ORC5: variants seen among roughly 807,000 people sequenced by gnomAD.
The protein encoded by ORC5 is protein phosphatase 1, regulatory subunit 117.
A neutral mutation model predicts 58.8 loss-of-function variants in ORC5; 39 were observed. The ratio of observed to expected loss-of-function variants is 0.66; its 90% CI spans 0.51 to 0.87. The LOEUF is 0.87. Among genes scored for constraint, ORC5 ranks in the 40% least tolerant of loss-of-function variants. The probability of loss-of-function intolerance (pLI) is 0.00; values close to 1 mark genes in which losing one functional copy is unlikely to be tolerated. For synonymous variants in ORC5, 218 were observed against 177.6 expected (o/e 1.23, Z -1.81); for missense variants, 493 against 506.3 (o/e 0.97, Z 0.25).
chr7:104,184,891 A>G (rs562892865), intron 6 of ORC5, among the ~76,000 whole-genome samples: 1 of 152,306 alleles, frequency 6.6e-6, no homozygotes, highest in African/African-American at 2.4e-5. Context: ...GTTGCTGCCT[A>G]TGAGGTTTCA....
intron 5 of ORC5, 82 bp from the exon 6 acceptor site, chr7:104,188,463 T>TAA: frequency 3.8e-5 from 38 of 987,616 alleles, no homozygotes; most frequent in South Asian, 1.2e-4. Flanking sequence ...ACAAAGGTAT[T>TAA]AAAAAAAAAA....
intron 11 of ORC5, among the ~76,000 whole-genome samples, chr7:104,162,236 G>A (rs1319543245): frequency 2.0e-5 from 3 of 152,090 alleles, no homozygotes; most frequent in South Asian, 2.1e-4. Flanking sequence ...ACAGTGACAC[G>A]ATCTTGGCTC....
chr7:104,143,885 G>C (rs1002261374), intron 12 of ORC5, among the ~76,000 whole-genome samples: 12 of 152,162 alleles, frequency 7.9e-5, no homozygotes, highest in Non-Finnish European at 1.0e-4. Flanking sequence ...TTGGGAGGCA[G>C]AGACAGGTAG....
At chr7:104,153,430 G>C (rs1670585903) in intron 12 of ORC5, among the ~76,000 whole-genome samples, 2 of 152,154 alleles carry the variant, frequency 1.3e-5, no homozygotes, top group South Asian at 4.1e-4. Flanking sequence ...CTCTTCATCA[G>C]CGAAGTAGGC....
intron 11 of ORC5, among the ~76,000 whole-genome samples, chr7:104,164,312 T>A (rs1251360555): frequency 6.6e-6 from 1 of 152,106 alleles, no homozygotes; most frequent in Non-Finnish European, 1.5e-5. Flanking sequence ...TAGTCCCAGC[T>A]ACTAGGGAGG....
At chr7:104,173,420 T>C (rs181835551) in intron 8 of ORC5, among the ~76,000 whole-genome samples, 2 of 152,234 alleles carry the variant, frequency 1.3e-5, no homozygotes, top group Non-Finnish European at 2.9e-5. Flanking sequence ...CCCTCTCTGT[T>C]GTTTAGGTTG....
At chr7:104,137,915 A>G (rs984290031) in intron 12 of ORC5, among the ~76,000 whole-genome samples, 1 of 152,204 alleles carries the variant, frequency 6.6e-6, no homozygotes, top group African/African-American at 2.4e-5. Context: ...TCTCCTTCCA[A>G]TAAGGCAGAG....
chr7:104,177,051 C>T (rs779555504), intron 8 of ORC5, among the ~76,000 whole-genome samples: 32 of 152,218 alleles, frequency 2.1e-4, no homozygotes, highest in Non-Finnish European at 4.4e-4. Context: ...CTTTAAGATT[C>T]TCACTTAGGT....
At chr7:104,200,022 C>T (rs1799900136) in intron 3 of ORC5, among the ~76,000 whole-genome samples, 1 of 152,190 alleles carries the variant, frequency 6.6e-6, no homozygotes, top group African/African-American at 2.4e-5. Flanking sequence ...CTTTGTGAAG[C>T]AGGTGCCTTG....
At chr7:104,160,248 C>T (rs1799000208) in intron 12 of ORC5, among the ~76,000 whole-genome samples, 1 of 152,150 alleles carries the variant, frequency 6.6e-6, no homozygotes, top group South Asian at 2.1e-4. Context: ...TACCAGCACA[C>T]ATTAGATTAC....
chr7:104,126,877 T>A lies in ORC5; in HGVS notation c.1279A>T (p.Ile427Leu). Reference protein sequence around the residue: ...RAIARTVNFDIIKYLYDFL With the variant: ...RAIARTVNFDLIKYLYDFL ...AAGAAATCATACAAGTATTTTATTA[T>A]GTCAAAGTTCACCGTCCTAAAAACA... Residue 427 changes from isoleucine to leucine, a missense_variant, in exon 14 of 14, where the codon ATA becomes TTA. Ile to Leu is a conservative substitution (Grantham distance 5). Transcript: ENST00000297431. 1 of 1,607,944 alleles carries A rather than the reference T, an allele frequency of 6.2e-7. No individual in the cohort carries two copies. The highest frequency in any genetic ancestry group is 8.5e-7 in the Non-Finnish European group (1 of 1,175,492).
chr7:104,185,375 A>T lies in ORC5; in HGVS notation c.685-1204T>A, dbSNP rs1307714247. ...GTAAAAATGTGAACTTCCCTACAGTAACAAAGCATAATTTGTTCTTTTAGG... is the reference window on the plus strand; with the variant it reads ...GTAAAAATGTGAACTTCCCTACAGTTACAAAGCATAATTTGTTCTTTTAGG... On this transcript the variant is annotated intron_variant, in intron 6 of 13. Transcript: ENST00000297431. Among the ~76,000 whole-genome samples the T allele has an allele frequency of 3.3e-5, 5 of 152,304 alleles. No homozygotes were observed. In the East Asian group the frequency reaches 9.6e-4, roughly 29 times the overall value.
In ORC5 at chr7:104,134,555, T is replaced by C. The variant is rs143464109; in HGVS notation, c.1262+2226A>G. On this transcript the variant is annotated intron_variant, in intron 13 of 13. Transcript: ENST00000297431. Reference sequence around the variant, plus strand: ...AGGAGAATAGGGAAATAGAGCCAGATTGCATGAGTCTCAAGGAAGTCCACA... The same window carrying C: ...AGGAGAATAGGGAAATAGAGCCAGACTGCATGAGTCTCAAGGAAGTCCACA... Among the ~76,000 whole-genome samples, 390 of 151,542 alleles carry C rather than the reference T, an allele frequency of 2.6e-3. 3 individuals are homozygous for C. Among genetic ancestry groups the C allele is most frequent in the African/African-American group, 9.1e-3 (376 of 41,234 alleles).
rs1445374489 is a variant in ORC5, at chr7:104,184,039, C to T, written c.734-6G>A. ...GCGAGTATCACGTTCACTTGCTACCCCAAAGGGAAGAAAATTTCAGTAATT... is the reference window on the plus strand; with the variant it reads ...GCGAGTATCACGTTCACTTGCTACCTCAAAGGGAAGAAAATTTCAGTAATT... On this transcript the variant is annotated splice_polypyrimidine_tract_variant and splice_region_variant and intron_variant, in intron 7 of 13. Coordinates refer to ENST00000297431, the MANE Select transcript of ORC5 (RefSeq NM_002553.4). 1 of 1,606,948 alleles carries T rather than the reference C, an allele frequency of 6.2e-7. No individual in the cohort carries two copies. The highest frequency in any genetic ancestry group is 1.3e-5 in the African/African-American group (1 of 74,454).
chr7:104,147,200 T>C (rs1335951649), intron 12 of ORC5, among the ~76,000 whole-genome samples: 2 of 144,872 alleles, frequency 1.4e-5, no homozygotes, highest in Non-Finnish European at 3.0e-5. Context: ...TGATTAGTTA[T>C]GACTTGGGGC....
At chr7:104,134,292 G>C (rs1798555692) in intron 13 of ORC5, among the ~76,000 whole-genome samples, 1 of 151,838 alleles carries the variant, frequency 6.6e-6, no homozygotes, top group Admixed American at 6.6e-5. Context: ...GTGTGTGCCT[G>C]TGATCCCAGC....
Position 104,207,955 on chromosome 7 carries a change from G to A in ORC5, c.-51C>T, listed in dbSNP as rs780642882. 5 of 1,545,302 alleles carry A rather than the reference G, an allele frequency of 3.2e-6. No homozygotes were observed. The highest frequency in any genetic ancestry group is 4.5e-5 in the East Asian group (2 of 44,482). ...AGTGCAGCCAGCCCACAGGACCCTT[G>A]CACAAGACGGAGCCTCTCCCGAGTC... On this transcript the variant is annotated 5_prime_UTR_variant, in exon 1 of 14. Transcript: ENST00000297431.
At chr7:104,199,524 T>C (rs1056144031) in intron 3 of ORC5, among the ~76,000 whole-genome samples, 2 of 152,246 alleles carry the variant, frequency 1.3e-5, no homozygotes, top group Admixed American at 1.3e-4. Flanking sequence ...GACTGCCTTA[T>C]TGGATTGCAG....
chr7:104,171,452 T>C (rs533187882), intron 8 of ORC5, among the ~76,000 whole-genome samples: 38 of 152,334 alleles, frequency 2.5e-4, no homozygotes, highest in Admixed American at 1.0e-3. Context: ...TGAAGTCAAG[T>C]TTCTTTAATA....
Sources: gnomAD v4.1 joint callset for allele counts (sites outside exome capture counted in the v4.1 genomes callset) on GRCh38, gnomAD v4.1.1 for gene constraint, MANE v1.5 for transcripts, NCBI Gene and HGNC (gene_info 2026-07-23, HGNC 2026-07-21) for gene names.